Variants in BTBD9 observed in about 807,000 individuals in gnomAD.
The protein encoded by BTBD9 is BTB domain containing 9.
In BTBD9, 49 loss-of-function variants were observed where a neutral mutation model predicts 64.3. That is an observed-to-expected ratio of 0.76 (90% CI 0.61 to 0.97). The LOEUF (loss-of-function observed/expected upper bound fraction) is 0.97, where lower values mean the gene tolerates loss of function less well. Among genes scored for constraint, BTBD9 ranks in the 50% least tolerant of loss-of-function variants. The pLI, the probability that BTBD9 is intolerant of heterozygous loss-of-function variation, is 0.00. For synonymous variants in BTBD9, 260 were observed against 274.7 expected (o/e 0.95, Z 0.53); for missense variants, 598 against 762.1 (o/e 0.78, Z 2.53).
At chr6:38,364,487 T>C (rs1765110536) in intron 6 of BTBD9, among the ~76,000 whole-genome samples, 1 of 152,222 alleles carries the variant, frequency 6.6e-6, no homozygotes, top group Non-Finnish European at 1.5e-5. Context: ...AGAGTTGTGT[T>C]TTATGATTAA....
intron 2 of BTBD9, chr6:38,596,159 A>G (rs1053290680): frequency 1.5e-6 from 1 of 655,642 alleles, no homozygotes; most frequent in African/African-American, 2.0e-5. Flanking sequence ...CAGCATTGAG[A>G]ACCTGTCTAA....
chr6:38,533,626 T>C (rs756972421), intron 6 of BTBD9, among the ~76,000 whole-genome samples: 12 of 152,186 alleles, frequency 7.9e-5, no homozygotes, highest in African/African-American at 1.2e-4. Flanking sequence ...TTATCAAGGA[T>C]AGACCATATG....
chr6:38,211,273 C>CA (rs1034962983), intron 9 of BTBD9, among the ~76,000 whole-genome samples: 6 of 151,888 alleles, frequency 4.0e-5, no homozygotes, highest in Admixed American at 6.6e-5. Context: ...TCTAAAAATA[C>CA]AAAAAATTAG....
intron 1 of BTBD9, among the ~76,000 whole-genome samples, chr6:38,621,855 C>T (rs138690852): frequency 3.2e-3 from 484 of 152,284 alleles, no homozygotes; most frequent in Admixed American, 7.1e-3. Context: ...TGCTGCCAGG[C>T]GGAACCTCCC....
At chr6:38,485,911 T>A (rs1771376969) in intron 6 of BTBD9, among the ~76,000 whole-genome samples, 1 of 152,250 alleles carries the variant, frequency 6.6e-6, no homozygotes. Flanking sequence ...GGCTATTTCA[T>A]CTATCTTGAA....
At chr6:38,633,254 A>C (rs529775014) in intron 1 of BTBD9, among the ~76,000 whole-genome samples, 184 of 152,360 alleles carry the variant, frequency 1.2e-3, no homozygotes, top group African/African-American at 4.2e-3. Flanking sequence ...GGCATGAAGT[A>C]AAAAGAACAC....
At chr6:38,590,158 T>C (rs1317184708) in intron 4 of BTBD9, among the ~76,000 whole-genome samples, 5 of 152,074 alleles carry the variant, frequency 3.3e-5, no homozygotes, top group African/African-American at 1.2e-4. Context: ...ATAAGGCCTA[T>C]AAAGATCATC....
At chr6:38,425,464 T>C (rs1227861374) in intron 6 of BTBD9, among the ~76,000 whole-genome samples, 1 of 151,790 alleles carries the variant, frequency 6.6e-6, no homozygotes, top group African/African-American at 2.4e-5. Flanking sequence ...GCACATTTAA[T>C]TTCTACCAGT....
At chr6:38,424,897 G>A (rs2127283411) in intron 6 of BTBD9, among the ~76,000 whole-genome samples, 1 of 151,804 alleles carries the variant, frequency 6.6e-6, no homozygotes, top group South Asian at 2.1e-4. Context: ...GGAGTGCAGT[G>A]GCACGATATC....
chr6:38,385,888 G>C (rs573480175), intron 6 of BTBD9, among the ~76,000 whole-genome samples: 1 of 147,992 alleles, frequency 6.8e-6, no homozygotes, highest in Non-Finnish European at 1.5e-5. Context: ...TCCACCTCTC[G>C]AGTCCAAGCA....
At chr6:38,250,501 C>T (rs898454449) in intron 9 of BTBD9, among the ~76,000 whole-genome samples, 1 of 152,144 alleles carries the variant, frequency 6.6e-6, no homozygotes, top group Non-Finnish European at 1.5e-5. Context: ...TAGATCCAAC[C>T]AATTACTAGA....
intron 6 of BTBD9, among the ~76,000 whole-genome samples, chr6:38,528,338 G>A (rs1454048783): frequency 6.6e-6 from 1 of 152,166 alleles, no homozygotes; most frequent in Non-Finnish European, 1.5e-5. Flanking sequence ...GAACTGGAAA[G>A]GCAGTCTAGA....
At chr6:38,222,355 G>A (rs1172767700) in intron 9 of BTBD9, among the ~76,000 whole-genome samples, 1 of 140,370 alleles carries the variant, frequency 7.1e-6, no homozygotes, top group Non-Finnish European at 1.5e-5. Context: ...CTGCCTCCCG[G>A]GTTCACGCCA....
rs1298290534 is a variant in BTBD9 at position 38,374,301 on chromosome 6, ATATATG to A, written c.1155-29214_1155-29209del. 2.2e-3 allele frequency among the ~76,000 whole-genome samples: 204 copies of A among 93,028 alleles called. 32 individuals are homozygous for A. The highest frequency in any genetic ancestry group is 8.3e-3 in the African/African-American group (163 of 19,650). 61.0% of individuals were successfully genotyped at this position (93,028 alleles called of 152,430 possible). A position where few individuals can be genotyped will look rare whatever the true frequency, so the allele number is the denominator to read the frequency against. On this transcript the variant is annotated intron_variant, in intron 6 of 10. Transcript: ENST00000481247. ...AAAAAAAGTATATATATATATGTAT[ATATATG>A]TATATATATATATATATATGTATAT...
chr6:38,377,918 GAA>G (rs556493162), intron 6 of BTBD9, among the ~76,000 whole-genome samples: 3 of 152,112 alleles, frequency 2.0e-5, no homozygotes, highest in Non-Finnish European at 2.9e-5. Context: ...ATTCCTTCTT[GAA>G]AAAGATATTT....
At chr6:38,474,331 C>A (rs575204733) in intron 6 of BTBD9, among the ~76,000 whole-genome samples, 1 of 151,960 alleles carries the variant, frequency 6.6e-6, no homozygotes, top group Non-Finnish European at 1.5e-5. Context: ...GAGATCAGCT[C>A]GGCTAATATG....
rs570148170 is a variant in BTBD9, at chr6:38,179,568, G to GC, written c.1642-4387dup. On this transcript the variant is annotated intron_variant, in intron 10 of 10. Coordinates refer to ENST00000481247, the MANE Select transcript of BTBD9 (RefSeq NM_001099272.2). The stretch of plus-strand genomic sequence containing the variant: ...ACTGAGTGCAGACTCCAGCAGGTGC[G>GC]CCCACAGCGCAGCTCCTGCCCTCAG... 367 of 456,690 alleles carry GC rather than the reference G, an allele frequency of 8.0e-4. 2 individuals are homozygous for GC. Among genetic ancestry groups the GC allele is most frequent in the African/African-American group, 6.1e-3 (304 of 50,210 alleles). The allele number at this position is 456,690 out of a possible 1,614,324, so 28.3% of individuals were successfully genotyped here.
chr6:38,301,264 G>A (rs1356005841), intron 7 of BTBD9, among the ~76,000 whole-genome samples: 2 of 152,154 alleles, frequency 1.3e-5, no homozygotes, highest in Non-Finnish European at 2.9e-5. Flanking sequence ...CGGTTTGCCA[G>A]TATTTTATTG....
rs140924429 is a variant in BTBD9 at position 38,532,805 on chromosome 6, C to T, written c.1154+44795G>A. On this transcript the variant is annotated intron_variant, in intron 6 of 10. Coordinates refer to ENST00000481247, the MANE Select transcript of BTBD9 (RefSeq NM_001099272.2). ...AATACCCAGGCAGTATGCCATGGGCCTTGGATGAGACTCAGCATATCCCCA... is the reference window on the plus strand; with the variant it reads ...AATACCCAGGCAGTATGCCATGGGCTTTGGATGAGACTCAGCATATCCCCA... Among the ~76,000 whole-genome samples the T allele has an allele frequency of 1.4e-4, 21 of 152,020 alleles. No homozygotes were observed. The East Asian group carries it at 3.7e-3, about 27-fold the overall frequency.
Sources: allele counts gnomAD v4.1 joint callset (sites outside exome capture counted in the v4.1 genomes callset), GRCh38; gene constraint gnomAD v4.1.1; transcripts MANE v1.5; gene names NCBI Gene and HGNC (gene_info 2026-07-23, HGNC 2026-07-21).